The following MYO7A variants were observed in gnomAD, a reference collection of about 807,000 sequenced individuals.
MYO7A encodes unconventional myosin-VIIa.
A neutral mutation model predicts 263.8 loss-of-function variants in MYO7A; 210 were observed. The observed-to-expected ratio is 0.80, with a 90% CI of 0.71 to 0.89. MYO7A has a LOEUF of 0.89. MYO7A is among the 40% of genes least tolerant of loss of function. The pLI, the probability that MYO7A is intolerant of heterozygous loss-of-function variation, is 0.00. For missense variants in MYO7A, 2,820 were observed against 2,968.3 expected (o/e 0.95, Z 1.16); for synonymous variants, 1,239 against 1,197.3 (o/e 1.03, Z -0.72).
intron 44 of MYO7A, 199 bp downstream of exon 44, chr11:77,209,002 A>G (rs894626139): frequency 1.7e-6 from 1 of 589,012 alleles, no homozygotes. Context: ...TTCAGCCCTT[A>G]GGGGCTTGAC....
chr11:77,203,417 A>C (rs932594510), intron 38 of MYO7A, among the ~76,000 whole-genome samples, 200 bp downstream of exon 38: 1 of 152,180 alleles, frequency 6.6e-6, no homozygotes. Flanking sequence ...TTTGGGTGCC[A>C]GGTGGATTTG....
At chr11:77,152,019 C>CGG (rs567508489) in intron 4 of MYO7A, among the ~76,000 whole-genome samples, 3 of 152,252 alleles carry the variant, frequency 2.0e-5, no homozygotes, top group Admixed American at 2.0e-4. Context: ...ATCTGCAAAG[C>CGG]GGGGATATGA....
rs782016805 is a variant in MYO7A at position 77,180,411 on chromosome 11, C to T, written c.2624C>T (p.Ala875Val). The change falls in exon 22 of 49, where the codon GCG (alanine) becomes GTG (valine). Residue 875 changes from alanine to valine, a missense_variant. Transcript: ENST00000409709. ...WRLEAEKMRL[A>V]EEEKLRKEMS... ...CTCGAGGCTGAGAAAATGCGGCTGG[C>T]GGAGGAAGAGAAGCTTCGGAAGGAG... The T allele has an allele frequency of 4.4e-6, 7 of 1,608,208 alleles. No individual in the cohort carries two copies. The highest frequency in any genetic ancestry group is 2.2e-5 in the East Asian group (1 of 44,458).
chr11:77,130,462 A>G, intron 1 of MYO7A, 127 bp from the exon 2 acceptor site: 2 of 672,136 alleles, frequency 3.0e-6, no homozygotes, highest in Non-Finnish European at 5.1e-6. Flanking sequence ...GAGGGAGAGA[A>G]GCCAAGGAGG....
At position 77,160,737 on chromosome 11, in the gene MYO7A, A is replaced by T. The variant is rs530656951; in HGVS notation, c.1201-236A>T. On this transcript the variant is annotated intron_variant, in intron 11 of 48. Coordinates refer to ENST00000409709, the MANE Select transcript of MYO7A (RefSeq NM_000260.4). ...TCCTTCCCCTGCTGCATGGTCAGGG[A>T]AGGCTTCTCCAAGAGGAGCTGTTAT... Among the ~76,000 whole-genome samples the T allele has an allele frequency of 2.6e-5, 4 of 152,232 alleles. No individual in the cohort carries two copies. In the South Asian group the frequency reaches 8.3e-4, roughly 32 times the overall value.
At chr11:77,159,264 A>G (rs1414622240) in intron 9 of MYO7A, among the ~76,000 whole-genome samples, 183 bp from the exon 10 acceptor site, 1 of 152,204 alleles carries the variant, frequency 6.6e-6, no homozygotes, top group Non-Finnish European at 1.5e-5. Flanking sequence ...CTGCAGACTC[A>G]TGGTGAGAAC....
chr11:77,174,816 C>A lies in MYO7A; in HGVS notation c.1996C>A (p.Arg666=). Residue 666 remains arginine, a synonymous_variant, in exon 17 of 49, where the codon CGA becomes AGA. Transcript: ENST00000409709. The part of the protein sequence containing the change: ...LRYSGMMETI[R]IRRAGYPIRY... ...GTACTCAGGAATGATGGAGACCATC[C>A]GAATCCGCCGAGCTGGCTACCCCAT... 1 of 1,612,850 alleles carries A rather than the reference C, an allele frequency of 6.2e-7. No homozygotes were observed. The highest frequency in any genetic ancestry group is 8.5e-7 in the Non-Finnish European group (1 of 1,179,630).
intron 17 of MYO7A, 113 bp from the exon 18 acceptor site, chr11:77,175,259 C>A: frequency 1.0e-6 from 1 of 978,376 alleles, no homozygotes; most frequent in Non-Finnish European, 1.6e-6. Flanking sequence ...GGTCACACTT[C>A]GAGTCAGGGG....
intron 2 of MYO7A, among the ~76,000 whole-genome samples, chr11:77,130,918 C>T (rs985438445): frequency 6.6e-6 from 1 of 152,244 alleles, no homozygotes; most frequent in Admixed American, 6.5e-5. Flanking sequence ...AGTGGAACAG[C>T]ATGTGCAAAG....
intron 15 of MYO7A, among the ~76,000 whole-genome samples, chr11:77,171,897 A>G (rs1954125346): frequency 6.6e-6 from 1 of 152,166 alleles, no homozygotes; most frequent in East Asian, 1.9e-4. Flanking sequence ...CCAGTAGGGC[A>G]GGGAGGCGCA....
In MYO7A at chr11:77,208,786, A is replaced by G. The variant is rs1352682956; in HGVS notation, c.6034A>G (p.Ile2012Val). The change falls in exon 44 of 49, where the codon ATC (isoleucine) becomes GTC (valine). Residue 2012 changes from isoleucine (I) to valine (V), a missense_variant. Coordinates refer to ENST00000409709, the MANE Select transcript of MYO7A (RefSeq NM_000260.4). ...VPGKDPMADS[I>V]FHYYQELPKY... Reference sequence around the variant, plus strand: ...AGGGAAGGATCCCATGGCCGATTCCATCTTCCACTATTACCAGGTGGGCAC... The same window carrying G: ...AGGGAAGGATCCCATGGCCGATTCCGTCTTCCACTATTACCAGGTGGGCAC... 9 of 1,566,254 alleles carry G rather than the reference A, an allele frequency of 5.7e-6. No individual in the cohort carries two copies. The South Asian group carries it at 9.4e-5, about 16-fold the overall frequency.
At position 77,172,632 on chromosome 11, in the gene MYO7A, C is replaced by T. The variant is rs1954205176; in HGVS notation, c.1798-116C>T. ...TTTGCAGGAAAACTTCAAATACCGC[C>T]CTGTCCCTCAAACCCTGACCCCGCT... On this transcript the variant is annotated intron_variant, in intron 15 of 48. Coordinates refer to ENST00000409709, the MANE Select transcript of MYO7A (RefSeq NM_000260.4). The T allele has an allele frequency of 6.7e-6, 9 of 1,350,364 alleles. No individual in the cohort carries two copies. The Admixed American group carries it at 1.8e-4, about 28-fold the overall frequency. The allele number at this position is 1,350,364 out of a possible 1,614,324, so 83.6% of individuals were successfully genotyped here. A position where few individuals can be genotyped will look rare whatever the true frequency, so the allele number is the denominator to read the frequency against.
intron 27 of MYO7A, among the ~76,000 whole-genome samples, chr11:77,188,428 T>C (rs1955795024): frequency 6.6e-6 from 1 of 152,210 alleles, no homozygotes; most frequent in South Asian, 2.1e-4. Context: ...AATGGGTAAC[T>C]TCAGAATTTT....
At position 77,204,082 on chromosome 11, in the gene MYO7A, T is replaced by C. The variant is rs1957266190; in HGVS notation, c.5333T>C (p.Leu1778Pro). Residue 1778 changes from leucine (L) to proline (P), a missense_variant, in exon 39 of 49, where the codon CTC becomes CCC. Leu to Pro is a moderately conservative substitution (Grantham distance 98). Coordinates refer to ENST00000409709, the MANE Select transcript of MYO7A (RefSeq NM_000260.4). ...QEACLAFIAV[L>P]KYMGDYPSKR... ...CTTCCTTGACAGTCCCCAGCTGTGC[T>C]CAAGTACATGGGCGACTACCCGTCC... The C allele has an allele frequency of 1.2e-6, 2 of 1,600,406 alleles. No homozygotes were observed. Among genetic ancestry groups the C allele is most frequent in the Non-Finnish European group, 1.7e-6 (2 of 1,173,722 alleles).
At position 77,172,822 on chromosome 11, in the gene MYO7A, G is replaced by A. The variant is rs370110939; in HGVS notation, c.1872G>A (p.Thr624=). The change falls in exon 16 of 49, where the codon ACG becomes ACA. Residue 624 remains threonine, a synonymous_variant. Transcript: ENST00000409709. ...FKRSLELLMR[T]LGACQPFFVR... ...GGTCACTGGAGCTGCTGATGCGCACGCTGGGTGCCTGCCAGCCCTTCTTTG... is the reference window on the plus strand; with the variant it reads ...GGTCACTGGAGCTGCTGATGCGCACACTGGGTGCCTGCCAGCCCTTCTTTG... 3.6e-5 allele frequency: 56 copies of A among 1,553,046 alleles called. No homozygotes were observed. Among genetic ancestry groups the A allele is most frequent in the African/African-American group, 1.6e-4 (12 of 73,118 alleles).
rs997785086 is a variant in MYO7A, at chr11:77,212,941, T to C, written c.6355-11T>C. The C allele has an allele frequency of 2.5e-6, 4 of 1,578,648 alleles. No individual in the cohort carries two copies. The highest frequency in any genetic ancestry group is 2.7e-5 in the African/African-American group (2 of 74,236). ...GGCCCCCATCTGATGCCTTCTCATC[T>C]TTTTTTCTAGCAAACTACGGAGCCA... On this transcript the variant is annotated splice_polypyrimidine_tract_variant and intron_variant, in intron 46 of 48. Transcript: ENST00000409709.
At position 77,204,066 on chromosome 11, in the gene MYO7A, C is replaced by T. The variant is rs781062618; in HGVS notation, c.5327-10C>T. 3.1e-5 allele frequency: 50 copies of T among 1,593,556 alleles called. No homozygotes were observed. Among genetic ancestry groups the T allele is most frequent in the Non-Finnish European group, 4.0e-5 (47 of 1,169,510 alleles). ...CTATTCGGCACAAGCCCTTCCTTGA[C>T]AGTCCCCAGCTGTGCTCAAGTACAT... On this transcript the variant is annotated splice_polypyrimidine_tract_variant and intron_variant, in intron 38 of 48. Coordinates refer to ENST00000409709, the MANE Select transcript of MYO7A (RefSeq NM_000260.4).
chr11:77,201,352 G>C, intron 35 of MYO7A, 96 bp from the exon 36 acceptor site: 1 of 1,251,506 alleles, frequency 8.0e-7, no homozygotes, highest in Non-Finnish European at 1.1e-6. Flanking sequence ...TGGCAAGTGG[G>C]CAGACATGAG....
rs181573957 is a variant in MYO7A at position 77,201,587 on chromosome 11, C to T, written c.4992C>T (p.Thr1664=). Residue 1664 remains threonine (T), a synonymous_variant, in exon 36 of 49, where the codon ACC becomes ACT. Transcript: ENST00000409709. The part of the protein sequence containing the change: ...ERTKQRGDFP[T]DSVYVMPTVT... ...CCAAGCAGCGTGGGGACTTCCCCAC[C>T]GACAGTGTGTACGTCATGCCCACTG... 4.3e-4 allele frequency: 694 copies of T among 1,613,816 alleles called. 5 individuals carry two copies. The African/African-American group carries it at 8.5e-3, about 20-fold the overall frequency.
Sources: gnomAD v4.1 joint callset for allele counts (sites outside exome capture counted in the v4.1 genomes callset) on GRCh38, gnomAD v4.1.1 for gene constraint, MANE v1.5 for transcripts, NCBI Gene and HGNC (gene_info 2026-07-23, HGNC 2026-07-21) for gene names.